FARS2: variants seen among roughly 807,000 people sequenced by gnomAD.
FARS2 encodes the protein phenylalanine--tRNA ligase, mitochondrial.
FARS2 carries 40 observed loss-of-function variants against 46.4 expected under a neutral mutation model. The observed-to-expected ratio is 0.86, with a 90% confidence interval of 0.67 to 1.12. The LOEUF is 1.12. FARS2 is among the 50% of genes most tolerant of loss of function. The pLI is 0.00. For missense variants in FARS2, 513 were observed against 567.9 expected, an observed-to-expected ratio of 0.90 and a Z score of 0.98; for synonymous variants, 234 against 214.9, an observed-to-expected ratio of 1.09 and a Z score of -0.78.
intron 6 of FARS2, among the ~76,000 whole-genome samples, chr6:5,637,380 G>A (rs574459495): frequency 1.3e-5 from 2 of 152,306 alleles, no homozygotes; most frequent in Non-Finnish European, 2.9e-5. Flanking sequence ...TGCACGCCTG[G>A]GCATCACTAC....
chr6:5,739,797 G>T (rs1224163468), intron 6 of FARS2, among the ~76,000 whole-genome samples: 2 of 152,146 alleles, frequency 1.3e-5, no homozygotes, highest in Non-Finnish European at 2.9e-5. Flanking sequence ...CCGCCACAAG[G>T]TCACACAGCC....
chr6:5,300,061 TG>T (rs1181133227), intron 1 of FARS2, among the ~76,000 whole-genome samples: 49 of 152,342 alleles, frequency 3.2e-4, no homozygotes, highest in East Asian at 1.5e-3. Context: ...TTTCATTTTT[TG>T]TTTTTTATTT....
At chr6:5,639,773 G>C (rs1776720247) in intron 6 of FARS2, among the ~76,000 whole-genome samples, 1 of 152,212 alleles carries the variant, frequency 6.6e-6, no homozygotes, top group Non-Finnish European at 1.5e-5. Context: ...ACCAGTGGCT[G>C]CTTACCACTG....
At chr6:5,341,139 T>G (rs9405826) in intron 1 of FARS2, among the ~76,000 whole-genome samples, 1 of 133,686 alleles carries the variant, frequency 7.5e-6, no homozygotes, top group African/African-American at 2.8e-5. Context: ...CAGAGTTTCA[T>G]ATGCACACGT....
At chr6:5,628,755 G>A (rs1776153470) in intron 6 of FARS2, among the ~76,000 whole-genome samples, 1 of 152,138 alleles carries the variant, frequency 6.6e-6, no homozygotes, top group Non-Finnish European at 1.5e-5. Context: ...GTGTTCTGGC[G>A]CCCAGCCGCA....
intron 4 of FARS2, among the ~76,000 whole-genome samples, chr6:5,541,491 A>G (rs1770631462): frequency 6.6e-6 from 1 of 152,212 alleles, no homozygotes; most frequent in Non-Finnish European, 1.5e-5. Flanking sequence ...ATCTGTCTCT[A>G]TAGTTTCGCC....
At chr6:5,653,449 C>T (rs189742234) in intron 6 of FARS2, among the ~76,000 whole-genome samples, 28 of 152,304 alleles carry the variant, frequency 1.8e-4, no homozygotes, top group Admixed American at 3.9e-4. Flanking sequence ...ACATGGAAGG[C>T]GTTGGACCAG....
chr6:5,510,256 AG>A (rs1768358069), intron 4 of FARS2, among the ~76,000 whole-genome samples: 2 of 152,090 alleles, frequency 1.3e-5, no homozygotes, highest in African/African-American at 4.8e-5. Context: ...ATTTTTCCTC[AG>A]GGGTGGCAGA....
intron 6 of FARS2, among the ~76,000 whole-genome samples, chr6:5,768,449 A>G (rs1582906600): frequency 6.6e-6 from 1 of 152,306 alleles, no homozygotes; most frequent in Non-Finnish European, 1.5e-5. Context: ...TCAATTGGCA[A>G]TAACTTTTAG....
intron 1 of FARS2, among the ~76,000 whole-genome samples, chr6:5,315,531 G>A (rs1268770787): frequency 6.6e-6 from 1 of 152,026 alleles, no homozygotes; most frequent in Non-Finnish European, 1.5e-5. Flanking sequence ...GGAGTAAATG[G>A]GAAATTCATT....
intron 2 of FARS2, among the ~76,000 whole-genome samples, chr6:5,380,868 A>G (rs1416889104): frequency 6.6e-6 from 1 of 152,192 alleles, no homozygotes; most frequent in Non-Finnish European, 1.5e-5. Context: ...TTCTTAAACT[A>G]GATACATCAT....
chr6:5,486,649 T>C (rs1766793284), intron 4 of FARS2, among the ~76,000 whole-genome samples: 1 of 152,180 alleles, frequency 6.6e-6, no homozygotes, highest in Non-Finnish European at 1.5e-5. Context: ...AACAGGACTT[T>C]TAAAATATAT....
intron 1 of FARS2, among the ~76,000 whole-genome samples, chr6:5,307,736 T>C (rs952465974): frequency 2.0e-5 from 3 of 152,040 alleles, no homozygotes; most frequent in African/African-American, 7.2e-5. Flanking sequence ...TCCTGTTTTA[T>C]GAACTAATTC....
intron 1 of FARS2, among the ~76,000 whole-genome samples, chr6:5,332,630 C>T (rs1008906773): frequency 1.3e-5 from 2 of 152,178 alleles, no homozygotes; most frequent in African/African-American, 4.8e-5. Context: ...CTCAGAGAAC[C>T]TTACTGTTAA....
chr6:5,573,851 A>G (rs1772801562), intron 5 of FARS2, among the ~76,000 whole-genome samples: 2 of 152,210 alleles, frequency 1.3e-5, no homozygotes, highest in African/African-American at 2.4e-5. Flanking sequence ...TATCACAAGC[A>G]CAGTGTCTGG....
intron 1 of FARS2, among the ~76,000 whole-genome samples, chr6:5,315,824 T>C (rs1769480572): frequency 6.7e-6 from 1 of 150,066 alleles, no homozygotes; most frequent in African/African-American, 2.4e-5. Flanking sequence ...ATGCGCTGCT[T>C]ATAAATGCAT....
At chr6:5,590,947 G>A (rs1253444954) in intron 5 of FARS2, among the ~76,000 whole-genome samples, 1 of 152,204 alleles carries the variant, frequency 6.6e-6, no homozygotes, top group Admixed American at 6.5e-5. Flanking sequence ...AAATTACTAA[G>A]CAGTCATGGA....
chr6:5,725,248 G>T (rs558072574), intron 6 of FARS2, among the ~76,000 whole-genome samples: 1 of 152,206 alleles, frequency 6.6e-6, no homozygotes, highest in Admixed American at 6.5e-5. Flanking sequence ...TTGAACATGG[G>T]CGCTGGGGTG....
intron 1 of FARS2, among the ~76,000 whole-genome samples, chr6:5,320,224 G>A (rs1769868353): frequency 6.6e-6 from 1 of 152,246 alleles, no homozygotes. Flanking sequence ...CAGTGTTCCA[G>A]TGGCATGGAT....
Sources: allele counts gnomAD v4.1 joint callset (sites outside exome capture counted in the v4.1 genomes callset), GRCh38; gene constraint gnomAD v4.1.1; transcripts MANE v1.5; gene names NCBI Gene and HGNC (gene_info 2026-07-23, HGNC 2026-07-21).